Variants in MED6 observed in about 807,000 individuals in gnomAD.
MED6 encodes the protein mediator complex subunit 6, also known as mediator of RNA polymerase II transcription subunit 6.
Under a neutral mutation model 37.5 loss-of-function variants are expected in MED6, and 33 were observed. The ratio of observed to expected loss-of-function variants is 0.88; its 90% confidence interval spans 0.67 to 1.18. The LOEUF is 1.18. Among genes scored for constraint, MED6 ranks in the 50% most tolerant of loss-of-function variants. The pLI is 0.00. For missense variants in MED6, 235 were observed against 290.6 expected (o/e 0.81, Z 1.39); for synonymous variants, 94 against 93.6 (o/e 1.00, Z -0.02).
intron 6 of MED6, 140 bp downstream of exon 6, chr14:70,591,126 C>T (rs1884856735): frequency 1.6e-6 from 1 of 632,370 alleles, no homozygotes; most frequent in African/African-American, 1.9e-5. Context: ...CGAAACCTTT[C>T]CTTTGATACA....
At chr14:70,598,600 A>G (rs1885114761) in intron 1 of MED6, among the ~76,000 whole-genome samples, 1 of 152,210 alleles carries the variant, frequency 6.6e-6, no homozygotes, top group African/African-American at 2.4e-5. Flanking sequence ...AAAAACTTAC[A>G]CAGAGAAAAG....
intron 5 of MED6, chr14:70,591,841 A>T (rs1884879645): frequency 1.3e-5 from 2 of 151,930 alleles, no homozygotes; most frequent in African/African-American, 4.8e-5. Flanking sequence ...TAATTCACTA[A>T]AAAAAAATAA....
intron 2 of MED6, 97 bp downstream of exon 2, chr14:70,597,521 A>C: frequency 5.4e-6 from 6 of 1,109,558 alleles, no homozygotes; most frequent in Non-Finnish European, 7.2e-6. Context: ...TTTTCTTCTA[A>C]AAGTTCTACT....
Position 70,584,896 on chromosome 14 carries a change from G to A in MED6, c.658C>T (p.Pro220Ser). Residue 220 changes from proline to serine, a missense_variant, in exon 8 of 8, where the codon CCT (proline) becomes TCT (serine). By Grantham distance (74) the Pro-to-Ser change is moderately conservative. Transcript: ENST00000256379. ...TTCTTTGTGGTCTCCTTCTCCTCAG[G>A]TTTTACAGTTTCTGGTATAGGTTCT... ...EAEPIPETVK[P>S]EEKETTKNVQ... The A allele has an allele frequency of 6.2e-7, 1 of 1,613,932 alleles. No homozygotes were observed. Among genetic ancestry groups the A allele is most frequent in the South Asian group, 1.1e-5 (1 of 91,086 alleles).
intron 6 of MED6, among the ~76,000 whole-genome samples, chr14:70,590,470 G>A (rs1299042799): frequency 6.6e-6 from 1 of 152,154 alleles, no homozygotes; most frequent in African/African-American, 2.4e-5. Context: ...CACTACAGCA[G>A]AGTCAGGGAA....
intron 3 of MED6, chr14:70,594,900 G>C: frequency 1.6e-6 from 1 of 627,492 alleles, no homozygotes; most frequent in South Asian, 1.4e-5. Context: ...AAATCCAGGA[G>C]CACCTGGATA....
chr14:70,588,564 T>C (rs1049212785), intron 6 of MED6, among the ~76,000 whole-genome samples: 40 of 151,860 alleles, frequency 2.6e-4, no homozygotes, highest in Non-Finnish European at 4.9e-4. Context: ...CAGGTGCCTG[T>C]AGTCCCAGCT....
Position 70,593,282 on chromosome 14 carries a change from G to A in MED6, c.357+14C>T, listed in dbSNP as rs1417909209. 1 of 1,606,378 alleles carries A rather than the reference G, an allele frequency of 6.2e-7. No homozygotes were observed. The highest frequency in any genetic ancestry group is 8.5e-7 in the Non-Finnish European group (1 of 1,173,150). On this transcript the variant is annotated intron_variant, in intron 4 of 7. Transcript: ENST00000256379. ...AAGTTTTCTTTAGTGCTTAAAGAAT[G>A]TGAAGACACTTACCACTCTAGAGTT...
intron 3 of MED6, chr14:70,595,135 C>T (rs1470860753): frequency 2.4e-6 from 1 of 410,018 alleles, no homozygotes; most frequent in East Asian, 6.0e-5. Flanking sequence ...CAGTGTCACT[C>T]GGCTTCAGCT....
chr14:70,592,769 TG>T, intron 5 of MED6, 110 bp downstream of exon 5: 1 of 1,218,014 alleles, frequency 8.2e-7, no homozygotes, highest in Non-Finnish European at 1.2e-6. Context: ...CATCATCCCA[TG>T]AAAAAGTGAA....
chr14:70,585,285 A>C (rs1442038129), intron 7 of MED6, among the ~76,000 whole-genome samples: 3 of 152,228 alleles, frequency 2.0e-5, no homozygotes, highest in Non-Finnish European at 4.4e-5. Flanking sequence ...TACAGATTTG[A>C]TGAAGAAACC....
chr14:70,591,619 C>A (rs1884872411), intron 5 of MED6: 1 of 364,244 alleles, frequency 2.7e-6, no homozygotes, highest in East Asian at 6.2e-5. Context: ...TTTAAAGATA[C>A]TTCAGTTTTG....
In MED6 at chr14:70,584,391, T is replaced by C. The variant is rs1211605796; in HGVS notation, c.*422A>G. ...TGGGAATAATATCTTTTCTTCTTTT[T>C]TGAGACAAAGTCTCGCTCTGTCGCC... On this transcript the variant is annotated 3_prime_UTR_variant, in exon 8 of 8. Coordinates refer to ENST00000256379, the MANE Select transcript of MED6 (RefSeq NM_005466.4). 1.5e-5 allele frequency: 6 copies of C among 413,216 alleles called. No homozygotes were observed. The highest frequency in any genetic ancestry group is 2.6e-5 in the Non-Finnish European group (6 of 231,718). The allele number at this position is 413,216 out of a possible 1,614,324, so 25.6% of individuals were successfully genotyped here.
intron 6 of MED6, among the ~76,000 whole-genome samples, chr14:70,587,910 G>A (rs534093910): frequency 6.6e-6 from 1 of 152,328 alleles, no homozygotes; most frequent in East Asian, 1.9e-4. Context: ...GGAAAAAGGA[G>A]CTTCAAAGAA....
At chr14:70,594,745 G>A (rs7157073) in intron 3 of MED6, 84,330 of 501,540 alleles carry the variant, frequency 0.17, 9,691 homozygotes, top group East Asian at 0.53. Context: ...CTGGCCATGG[G>A]ATGGCCAGGG....
At chr14:70,600,008 T>C (rs1337575501) in intron 1 of MED6, among the ~76,000 whole-genome samples, 1 of 152,018 alleles carries the variant, frequency 6.6e-6, no homozygotes, top group African/African-American at 2.4e-5. Context: ...CTCCCCAAGA[T>C]CAAGCAGCAG....
At position 70,583,604 on chromosome 14, in the gene MED6, T is replaced by A. The variant is rs1253826412; in HGVS notation, c.*1209A>T. 6.6e-6 allele frequency: 1 copy of A among 152,282 alleles called. No homozygotes were observed. Among genetic ancestry groups the A allele is most frequent in the African/African-American group, 2.4e-5 (1 of 41,434 alleles). The allele number at this position is 152,282 out of a possible 1,614,324, so 9.4% of individuals were successfully genotyped here. A position where few individuals can be genotyped will look rare whatever the true frequency, so the allele number is the denominator to read the frequency against. ...ACACTGAAAAGGCATTATACAAAGA[T>A]ATAATCACAGCAGTCTTATATAAAA... On this transcript the variant is annotated 3_prime_UTR_variant, in exon 8 of 8. Coordinates refer to ENST00000256379, the MANE Select transcript of MED6 (RefSeq NM_005466.4).
In MED6 at chr14:70,592,959, A is replaced by T; in HGVS notation, c.387T>A (p.Ala129=). The change falls in exon 5 of 8, where the codon GCT becomes GCA. Residue 129 remains alanine, a synonymous_variant. Transcript: ENST00000256379. ...VLTAVHGIQS[A]FDEAMSYCRY... ...GACAGTATGACATAGCTTCATCAAA[A>T]GCTGACTGAATACCATGCACTGCAG... is the stretch of plus-strand genomic sequence containing the variant. 1 of 1,613,942 alleles carries T rather than the reference A, an allele frequency of 6.2e-7. No homozygotes were observed. The highest frequency in any genetic ancestry group is 8.5e-7 in the Non-Finnish European group (1 of 1,179,932).
At chr14:70,597,910 T>C in intron 1 of MED6, 133 bp from the exon 2 acceptor site, 2 of 560,720 alleles carry the variant, frequency 3.6e-6, no homozygotes, top group Middle Eastern at 4.9e-4. Flanking sequence ...CAACACACTC[T>C]CATGATGTAA....
Sources: allele counts gnomAD v4.1 joint callset (sites outside exome capture counted in the v4.1 genomes callset), GRCh38; gene constraint gnomAD v4.1.1; transcripts MANE v1.5; gene names NCBI Gene and HGNC (gene_info 2026-07-23, HGNC 2026-07-21).